Variants in ZGLP1 observed in about 807,000 individuals in gnomAD.
ZGLP1 encodes the protein zinc finger GATA like protein 1.
Under a neutral mutation model 21.4 loss-of-function variants are expected in ZGLP1, and 11 were observed. The observed-to-expected ratio is 0.51, with a 90% CI of 0.32 to 0.85. ZGLP1 has a LOEUF of 0.85. Ranked by LOEUF, ZGLP1 falls within the 40% of genes least tolerant of loss-of-function variation. The pLI is 0.03. For missense variants in ZGLP1, 295 were observed against 355.6 expected (o/e 0.83, Z 1.37); for synonymous variants, 148 against 145.0 (o/e 1.02, Z -0.15).
exon 1 of ZGLP1, chr19:10,309,243 G>A (rs1022662419): frequency 6.6e-6 from 1 of 152,630 alleles, no homozygotes; most frequent in African/African-American, 2.4e-5. Context: ...TTATAAAATT[G>A]CCACTTCTCG....
chr19:10,306,101 A>ATATTATTAT (rs3073811), intron 1 of ZGLP1, 149 bp from the exon 3 acceptor site: 4 of 360,218 alleles, frequency 1.1e-5, no homozygotes, highest in African/African-American at 4.3e-5. Context: ...CTCATTAGTA[A>ATATTATTAT]TATTATTATT....
chr19:10,305,849 G>C lies in ZGLP1; in HGVS notation c.601C>G (p.Leu201Val). The change falls in exon 2 of 4, where the codon CTG becomes GTG. Residue 201 changes from leucine (L) to valine (V), a missense_variant. Leu to Val is a conservative substitution (Grantham distance 32, BLOSUM62 1). Transcript: ENST00000403903. This position sits in a 1 kb window ranked among gnomAD's most constrained non-coding sequence, Gnocchi z 4.7. Reference sequence around the variant, plus strand: ...CTCTTGGGTTTTCAGGACTCACCCAGGGCCTCGCTGCCTGCTGAGTGGGCC... The same window carrying C: ...CTCTTGGGTTTTCAGGACTCACCCACGGCCTCGCTGCCTGCTGAGTGGGCC... 6.4e-7 allele frequency: 1 copy of C among 1,553,526 alleles called. No individual in the cohort carries two copies. Among genetic ancestry groups the C allele is most frequent in the South Asian group, 1.2e-5 (1 of 84,204 alleles).
rs750810806 is a variant in ZGLP1, at chr19:10,305,130, G to A, written c.777C>T (p.Gly259=). Residue 259 remains glycine, a synonymous_variant, in exon 4 of 4, where the codon GGC becomes GGT. Coordinates refer to ENST00000403903, the Ensembl canonical transcript of ZGLP1. This position sits in a 1 kb window ranked among gnomAD's most constrained non-coding sequence, Gnocchi z 4.7. ...TGGGGTCCAGGGACACTCCACATCTGCCACATAGCCTCTTGGGCTGGACAT... is the reference window on the plus strand; with the variant it reads ...TGGGGTCCAGGGACACTCCACATCTACCACATAGCCTCTTGGGCTGGACAT... The A allele has an allele frequency of 1.1e-5, 17 of 1,613,862 alleles. No individual in the cohort carries two copies. Among genetic ancestry groups the A allele is most frequent in the South Asian group, 8.8e-5 (8 of 91,086 alleles).
chr19:10,308,091 G>C (rs1441653940), intron 1 of ZGLP1, 94 bp downstream of exon 2: 2 of 1,468,668 alleles, frequency 1.4e-6, no homozygotes, highest in Middle Eastern at 2.5e-4. Flanking sequence ...ACAGGTGAGG[G>C]TCCACACCGA....
exon 1 of ZGLP1, chr19:10,309,253 G>C (rs2040298577): frequency 6.6e-6 from 1 of 152,616 alleles, no homozygotes; most frequent in Admixed American, 6.6e-5. Context: ...GCCACTTCTC[G>C]ATAACCCCAG....
chr19:10,306,373 A>G (rs775843676), intron 1 of ZGLP1, among the ~76,000 whole-genome samples: 2 of 151,956 alleles, frequency 1.3e-5, no homozygotes, highest in Non-Finnish European at 2.9e-5. Context: ...TCGGCCTCCC[A>G]AAGTGCAGGG....
At chr19:10,304,872 A>G in exon 4 of ZGLP1, 1 of 578,328 alleles carries the variant, frequency 1.7e-6, no homozygotes, top group South Asian at 2.2e-5. Context: ...GCGTCTCCTG[A>G]GGGGGCCTCG....
exon 1 of ZGLP1, chr19:10,308,517 G>A (rs1272546753): frequency 2.5e-6 from 4 of 1,608,022 alleles, no homozygotes; most frequent in East Asian, 2.2e-5. Context: ...AGCACAGGGC[G>A]GTGACCGACT....
In ZGLP1 at chr19:10,305,876, C is replaced by T. The variant is rs547511413; in HGVS notation, c.574G>A (p.Glu192Lys). 54 of 1,560,512 alleles carry T rather than the reference C, an allele frequency of 3.5e-5. No individual in the cohort carries two copies. The highest frequency in any genetic ancestry group is 3.2e-4 in the South Asian group (27 of 84,724). ...GCCTCGCTGCCTGCTGAGTGGGCCT[C>T]GGTGCCTCCTGGGTGGGCTGCAGGG... The change falls in exon 2 of 4, where the codon GAG (glutamate) becomes AAG (lysine). Residue 192 changes from glutamate (E) to lysine (K), a missense_variant. Glu to Lys is a moderately conservative substitution (Grantham distance 56). Around this residue, in one of 2 missense-constraint regions of ZGLP1, gnomAD observed 252 missense variants for 264.0 expected, o/e 0.95. Transcript: ENST00000403903. This position sits in a 1 kb window ranked among gnomAD's most constrained non-coding sequence, Gnocchi z 4.7.
In ZGLP1 at chr19:10,305,642, G is replaced by C. The variant is rs1411725128; in HGVS notation, c.605-159C>G. On this transcript the variant is annotated intron_variant, in intron 2 of 3. Coordinates refer to ENST00000403903, the Ensembl canonical transcript of ZGLP1. The surrounding 1 kb of genome is among the most constrained non-coding windows in gnomAD (Gnocchi z 4.7). ...CAGCTCTAAGCCACAGCAAAGCCAG[G>C]AAGGGAGACAGATGGCAGCATTCCG... 1.3e-6 allele frequency: 1 copy of C among 759,506 alleles called. No individual in the cohort carries two copies. Among genetic ancestry groups the C allele is most frequent in the Non-Finnish European group, 2.2e-6 (1 of 456,218 alleles). 47.0% of individuals were successfully genotyped at this position (759,506 alleles called of 1,614,324 possible).
Position 10,305,247 on chromosome 19 carries a change from G to A in ZGLP1, c.699-39C>T, listed in dbSNP as rs1213587365. ...ACAAGAAACTGCCATTTAGGATGCA[G>A]TGGGGGCCCGGAAACCGCCACAAGG... On this transcript the variant is annotated intron_variant, in intron 3 of 3. Coordinates refer to ENST00000403903, the Ensembl canonical transcript of ZGLP1. This position sits in a 1 kb window ranked among gnomAD's most constrained non-coding sequence, Gnocchi z 4.7. The A allele has an allele frequency of 6.3e-7, 1 of 1,595,354 alleles. No individual in the cohort carries two copies. Among genetic ancestry groups the A allele is most frequent in the Admixed American group, 1.7e-5 (1 of 59,706 alleles).
In ZGLP1 at chr19:10,305,294, A is replaced by G; in HGVS notation, c.699-86T>C. The G allele has an allele frequency of 1.3e-6, 2 of 1,556,108 alleles. No homozygotes were observed. Among genetic ancestry groups the G allele is most frequent in the South Asian group, 2.3e-5 (2 of 88,332 alleles). ...AAGGAAACCACTTTTCCCAAGAGGT[A>G]GGTGTTTTGCTTTTTGCTTTCCCCA... On this transcript the variant is annotated intron_variant, in intron 3 of 3. Transcript: ENST00000403903. The surrounding 1 kb of genome is among the most constrained non-coding windows in gnomAD (Gnocchi z 4.7).
chr19:10,305,706 G>A lies in ZGLP1; in HGVS notation c.604+140C>T. ...TGGGGGTGGGGGTGACTCAGCCCAA[G>A]TGGAGGGGGGTGCTGCGACTCCTCC... On this transcript the variant is annotated intron_variant, in intron 2 of 3. Coordinates refer to ENST00000403903, the Ensembl canonical transcript of ZGLP1. The surrounding 1 kb of genome is among the most constrained non-coding windows in gnomAD (Gnocchi z 4.7). 5.2e-6 allele frequency: 4 copies of A among 772,400 alleles called. No individual in the cohort carries two copies. Among genetic ancestry groups the A allele is most frequent in the South Asian group, 3.1e-5 (2 of 63,980 alleles). The allele number at this position is 772,400 out of a possible 1,614,324, so 47.8% of individuals were successfully genotyped here. A position where few individuals can be genotyped will look rare whatever the true frequency, so the allele number is the denominator to read the frequency against.
At chr19:10,307,224 C>T (rs1243375683) in intron 1 of ZGLP1, among the ~76,000 whole-genome samples, 1 of 151,766 alleles carries the variant, frequency 6.6e-6, no homozygotes, top group Non-Finnish European at 1.5e-5. Flanking sequence ...AAAATTAGAG[C>T]TGGGGGTCAT....
Position 10,305,768 on chromosome 19 carries a change from G to C in ZGLP1, c.604+78C>G, listed in dbSNP as rs73510898. 13 of 1,179,054 alleles carry C rather than the reference G, an allele frequency of 1.1e-5. No homozygotes were observed. Among genetic ancestry groups the C allele is most frequent in the South Asian group, 3.9e-5 (3 of 76,806 alleles). 73.0% of individuals were successfully genotyped at this position (1,179,054 alleles called of 1,614,324 possible). ...AAATGGGGAAGCAAGATGGAGAAGG[G>C]GGGGGCAGGGAGAAAGGCAGGGAAG... On this transcript the variant is annotated intron_variant, in intron 2 of 3. Transcript: ENST00000403903. The surrounding 1 kb of genome is among the most constrained non-coding windows in gnomAD (Gnocchi z 4.7).
intron 1 of ZGLP1, among the ~76,000 whole-genome samples, chr19:10,307,346 CT>C (rs543276157): frequency 0.65 from 79,855 of 122,876 alleles, 26,300 homozygotes; most frequent in African/African-American, 0.78. Flanking sequence ...CTTCCCAAAG[CT>C]TTTTTTTTTT....
Position 10,305,340 on chromosome 19 carries a change from T to C in ZGLP1, c.698+50A>G. Reference sequence around the variant, plus strand: ...CCCCACAGGCCATCCTGGTTACACGTGGACTGATTTGGGGACCCCCGCCCC... The same window carrying C: ...CCCCACAGGCCATCCTGGTTACACGCGGACTGATTTGGGGACCCCCGCCCC... On this transcript the variant is annotated intron_variant, in intron 3 of 3. Coordinates refer to ENST00000403903, the Ensembl canonical transcript of ZGLP1. This position sits in a 1 kb window ranked among gnomAD's most constrained non-coding sequence, Gnocchi z 4.7. 1 of 1,548,456 alleles carries C rather than the reference T, an allele frequency of 6.5e-7. No homozygotes were observed. Among genetic ancestry groups the C allele is most frequent in the Non-Finnish European group, 8.8e-7 (1 of 1,137,986 alleles).
chr19:10,305,351 G>T lies in ZGLP1; in HGVS notation c.698+39C>A. 1 of 1,557,864 alleles carries T rather than the reference G, an allele frequency of 6.4e-7. No homozygotes were observed. The highest frequency in any genetic ancestry group is 8.7e-7 in the Non-Finnish European group (1 of 1,146,552). ...ATCCTGGTTACACGTGGACTGATTT[G>T]GGGACCCCCGCCCCAACTCCCTCCT... On this transcript the variant is annotated intron_variant, in intron 3 of 3. Coordinates refer to ENST00000403903, the Ensembl canonical transcript of ZGLP1. The surrounding 1 kb of genome is among the most constrained non-coding windows in gnomAD (Gnocchi z 4.7).
chr19:10,304,967 C>G, exon 4 of ZGLP1: 1 of 744,474 alleles, frequency 1.3e-6, no homozygotes, highest in Non-Finnish European at 2.2e-6. Context: ...ATCCTTGAAT[C>G]TGGAGATGGC....
Sources: gnomAD v4.1 joint callset for allele counts (sites outside exome capture counted in the v4.1 genomes callset) on GRCh38, gnomAD v4.1.1 for gene constraint, gnomAD v4.1.1 regional missense constraint, Gnocchi (gnomAD v3.1) non-coding constraint, MANE v1.5 for transcripts, NCBI Gene and HGNC (gene_info 2026-07-23, HGNC 2026-07-21) for gene names.